Variants in EGFLAM observed in about 807,000 individuals in gnomAD.
EGFLAM encodes the protein pikachurin.
EGFLAM carries 79 observed loss-of-function variants against 113.1 expected under a neutral mutation model. The ratio of observed to expected loss-of-function variants is 0.70; its 90% confidence interval spans 0.58 to 0.84. The LOEUF is 0.84. EGFLAM is among the 40% of genes least tolerant of loss of function. EGFLAM has a pLI of 0.00. For synonymous variants in EGFLAM, 504 were observed against 487.6 expected, an observed-to-expected ratio of 1.03 and a Z score of -0.44; for missense variants, 1,265 against 1,291.6, an observed-to-expected ratio of 0.98 and a Z score of 0.32.
chr5:38,394,971 G>A (rs940727765), intron 6 of EGFLAM, among the ~76,000 whole-genome samples: 31 of 151,394 alleles, frequency 2.0e-4, no homozygotes, highest in Non-Finnish European at 3.7e-4. Context: ...ACAGAGTTTT[G>A]CTCTTGTTGC....
At position 38,406,070 on chromosome 5, in the gene EGFLAM, C is replaced by T. The variant is rs752048378; in HGVS notation, c.713-56C>T. ...CTGCCTGTGGCTGAGTTAGGCTAGA[C>T]AATAGTGCAAAGAAGGCCTGTGCTG... On this transcript the variant is annotated intron_variant, in intron 6 of 21. Transcript: ENST00000322350. 2.2e-6 allele frequency: 3 copies of T among 1,390,064 alleles called. No individual in the cohort carries two copies. The East Asian group carries it at 6.8e-5, about 32-fold the overall frequency. 86.1% of individuals were successfully genotyped at this position (1,390,064 alleles called of 1,614,324 possible).
At chr5:38,445,509 C>A in intron 17 of EGFLAM, 2 of 1,516,144 alleles carry the variant, frequency 1.3e-6, no homozygotes, top group Non-Finnish European at 1.8e-6. Flanking sequence ...CAGTGGTTCC[C>A]CGCGGGGCTC....
chr5:38,370,414 C>T lies in EGFLAM; in HGVS notation c.664C>T (p.His222Tyr). ...YQFAVRAMNS[H>Y]GPSPRSWPSD... ...GTTTGCCGTGAGGGCAATGAATTCCCATGGCCCCAGCCCCCGCAGCTGGCC... is the reference window on the plus strand; with the variant it reads ...GTTTGCCGTGAGGGCAATGAATTCCTATGGCCCCAGCCCCCGCAGCTGGCC... Residue 222 changes from histidine (H) to tyrosine (Y), a missense_variant, in exon 6 of 22, where the codon CAT becomes TAT. His to Tyr is a moderately conservative substitution (Grantham distance 83, BLOSUM62 2). Coordinates refer to ENST00000322350, the MANE Select transcript of EGFLAM (RefSeq NM_152403.4). 6.2e-7 allele frequency: 1 copy of T among 1,614,190 alleles called. No individual in the cohort carries two copies. Among genetic ancestry groups the T allele is most frequent in the Non-Finnish European group, 8.5e-7 (1 of 1,180,036 alleles).
intron 17 of EGFLAM, chr5:38,445,726 A>T: frequency 6.3e-7 from 1 of 1,597,700 alleles, no homozygotes; most frequent in Middle Eastern, 1.7e-4. Context: ...GTCCTGTGAG[A>T]AACTGCGAGA....
intron 5 of EGFLAM, among the ~76,000 whole-genome samples, chr5:38,361,838 A>G (rs966923562): frequency 7.9e-5 from 12 of 151,926 alleles, no homozygotes; most frequent in Non-Finnish European, 1.6e-4. Flanking sequence ...AATAGTGGCT[A>G]CCTCAGAAGA....
At chr5:38,460,698 G>C (rs897958181) in intron 20 of EGFLAM, among the ~76,000 whole-genome samples, 2 of 152,236 alleles carry the variant, frequency 1.3e-5, no homozygotes, top group African/African-American at 4.8e-5. Flanking sequence ...ACTGTGAGTT[G>C]TGAGCAGACA....
intron 4 of EGFLAM, among the ~76,000 whole-genome samples, chr5:38,351,562 G>T (rs1739625474): frequency 6.6e-6 from 1 of 152,156 alleles, no homozygotes; most frequent in South Asian, 2.1e-4. Flanking sequence ...GACAGGAAAG[G>T]TCTCCCAGGC....
intron 5 of EGFLAM, among the ~76,000 whole-genome samples, chr5:38,368,530 C>A (rs186995298): frequency 6.6e-6 from 1 of 152,282 alleles, no homozygotes. Context: ...GCTGTTCACC[C>A]CGGCATCTTC....
intron 6 of EGFLAM, among the ~76,000 whole-genome samples, chr5:38,386,338 T>C (rs192494834): frequency 3.3e-5 from 5 of 150,042 alleles, no homozygotes; most frequent in African/African-American, 1.2e-4. Context: ...GGATTACAGG[T>C]GCACACCACC....
intron 6 of EGFLAM, among the ~76,000 whole-genome samples, chr5:38,378,035 G>A (rs1740410649): frequency 6.6e-6 from 1 of 152,148 alleles, no homozygotes. Context: ...GAGATGTTTT[G>A]TTTTGGTTTG....
At chr5:38,351,381 A>G (rs1037983029) in intron 4 of EGFLAM, among the ~76,000 whole-genome samples, 2 of 152,098 alleles carry the variant, frequency 1.3e-5, no homozygotes, top group Non-Finnish European at 2.9e-5. Context: ...TACTGGGATT[A>G]CAGGCGTAAG....
intron 17 of EGFLAM, among the ~76,000 whole-genome samples, chr5:38,442,663 T>C (rs1220509477): frequency 6.6e-6 from 1 of 152,180 alleles, no homozygotes; most frequent in Non-Finnish European, 1.5e-5. Context: ...ATGTTGGCTG[T>C]TCCCAGTCCC....
chr5:38,416,440 C>T (rs1741645226), intron 11 of EGFLAM, among the ~76,000 whole-genome samples: 1 of 152,204 alleles, frequency 6.6e-6, no homozygotes, highest in African/African-American at 2.4e-5. Flanking sequence ...TCATCCGAAA[C>T]TGTTAAGGGC....
chr5:38,335,625 T>C lies in EGFLAM; in HGVS notation c.98-1895T>C, dbSNP rs1322676770. ...GATGAGACATTAAATCTGGAACAGATTTAATGGCAGAGTCAGAGAGATCAT... is the reference window on the plus strand; with the variant it reads ...GATGAGACATTAAATCTGGAACAGACTTAATGGCAGAGTCAGAGAGATCAT... On this transcript the variant is annotated intron_variant, in intron 1 of 21. Coordinates refer to ENST00000322350, the MANE Select transcript of EGFLAM (RefSeq NM_152403.4). Among the ~76,000 whole-genome samples, 2 of 152,136 alleles carry C rather than the reference T, an allele frequency of 1.3e-5. 1 individual carries two copies. The highest frequency in any genetic ancestry group is 4.1e-4 in the South Asian group (2 of 4,824).
chr5:38,434,382 C>A (rs1742281062), intron 15 of EGFLAM, among the ~76,000 whole-genome samples: 1 of 152,226 alleles, frequency 6.6e-6, no homozygotes, highest in Non-Finnish European at 1.5e-5. Context: ...CTCGCATAAA[C>A]CCCTGCAGGG....
intron 16 of EGFLAM, among the ~76,000 whole-genome samples, chr5:38,436,560 A>G (rs973029051): frequency 6.6e-6 from 1 of 152,152 alleles, no homozygotes; most frequent in Non-Finnish European, 1.5e-5. Flanking sequence ...GGGATTGGCC[A>G]TGCTTAACCA....
chr5:38,411,168 A>G (rs1579890853), intron 10 of EGFLAM, among the ~76,000 whole-genome samples: 2 of 152,144 alleles, frequency 1.3e-5, no homozygotes, highest in South Asian at 2.1e-4. Context: ...AGTGGCTCAC[A>G]CCTGTAATCC....
chr5:38,438,140 AGT>A, intron 16 of EGFLAM, 133 bp from the exon 17 acceptor site: 1 of 730,660 alleles, frequency 1.4e-6, no homozygotes. Context: ...AAAAAAAAAA[AGT>A]GGAAACTGGA....
intron 11 of EGFLAM, among the ~76,000 whole-genome samples, chr5:38,414,385 A>G (rs1258997624): frequency 6.6e-6 from 1 of 152,230 alleles, no homozygotes; most frequent in Non-Finnish European, 1.5e-5. Flanking sequence ...GGAAGCTACA[A>G]TAGAAGCCTG....
Sources: allele counts gnomAD v4.1 joint callset (sites outside exome capture counted in the v4.1 genomes callset), GRCh38; gene constraint gnomAD v4.1.1; transcripts MANE v1.5; gene names NCBI Gene and HGNC (gene_info 2026-07-23, HGNC 2026-07-21).